CIZ1: variants seen among roughly 807,000 people sequenced by gnomAD.
The protein encoded by CIZ1 is CDKN1A interacting zinc finger protein 1.
A neutral mutation model predicts 118.6 loss-of-function variants in CIZ1; 58 were observed. The observed-to-expected ratio is 0.49, with a 90% CI of 0.40 to 0.61. CIZ1 has a LOEUF of 0.61. Among genes scored for constraint, CIZ1 ranks in the 20% least tolerant of loss-of-function variants. The pLI is 0.00. For synonymous variants in CIZ1, 448 were observed against 443.4 expected (o/e 1.01, Z -0.13); for missense variants, 921 against 1,115.9 (o/e 0.83, Z 2.49).
At chr9:128,184,489 ATTTTTTT>A (rs35204850) in intron 5 of CIZ1, among the ~76,000 whole-genome samples, 1 of 112,126 alleles carries the variant, frequency 8.9e-6, no homozygotes, top group Non-Finnish European at 1.7e-5. Flanking sequence ...GGCAGTGCTG[ATTTTTTT>A]TTTTTTTTTT....
rs1227825683 is a variant in CIZ1, at chr9:128,168,829, C to G, written c.2295+223G>C. 8.4e-6 allele frequency: 5 copies of G among 596,986 alleles called. No homozygotes were observed. In the East Asian group the frequency reaches 1.6e-4, roughly 19 times the overall value. 37.0% of individuals were successfully genotyped at this position (596,986 alleles called of 1,614,324 possible). The stretch of plus-strand genomic sequence containing the variant: ...GCTGTTCCCTTTCCCTTCCTCCACA[C>G]AGGTCCAAATTTCAGTCAGGCTTTG... On this transcript the variant is annotated intron_variant, in intron 14 of 16. Coordinates refer to ENST00000372938, the MANE Select transcript of CIZ1 (RefSeq NM_001131016.2).
chr9:128,182,973 C>T (rs1831875850), intron 5 of CIZ1, among the ~76,000 whole-genome samples: 1 of 152,102 alleles, frequency 6.6e-6, no homozygotes, highest in Non-Finnish European at 1.5e-5. Flanking sequence ...TAATATCTCT[C>T]ACCACCCTCC....
At chr9:128,171,373 G>A (rs572890503) in intron 11 of CIZ1, among the ~76,000 whole-genome samples, 16 of 151,942 alleles carry the variant, frequency 1.1e-4, no homozygotes, top group African/African-American at 3.9e-4. Context: ...AGGTTGCAGT[G>A]AGCCGAGATC....
rs534979629 is a variant in CIZ1 at position 128,176,539 on chromosome 9, G to T, written c.1819-64C>A. On this transcript the variant is annotated intron_variant, in intron 10 of 16. Transcript: ENST00000372938. ...AGCCCAGAACAGTGGGCAAGGCTGG[G>T]GCCTGGGGAGGCAGACCCCAGCCTC... is the stretch of plus-strand genomic sequence containing the variant. 560 of 1,533,052 alleles carry T rather than the reference G, an allele frequency of 3.7e-4. 5 individuals are homozygous for T. In the South Asian group the frequency reaches 4.5e-3, roughly 12 times the overall value. 95.0% of individuals were successfully genotyped at this position (1,533,052 alleles called of 1,614,324 possible).
At position 128,166,234 on chromosome 9, in the gene CIZ1, G is replaced by T; in HGVS notation, c.2660C>A (p.Pro887His). 6.6e-7 allele frequency: 1 copy of T among 1,522,108 alleles called. No individual in the cohort carries two copies. Among genetic ancestry groups the T allele is most frequent in the Non-Finnish European group, 8.9e-7 (1 of 1,127,478 alleles). 94.3% of individuals were successfully genotyped at this position (1,522,108 alleles called of 1,614,324 possible). The change falls in exon 17 of 17, where the codon CCC becomes CAC. Residue 887 changes from proline (P) to histidine (H), a missense_variant. Coordinates refer to ENST00000372938, the MANE Select transcript of CIZ1 (RefSeq NM_001131016.2). This position sits in a 1 kb window ranked among gnomAD's most constrained non-coding sequence, Gnocchi z 4.4. ...PSKVTARPSQ[P>H]PLPRRSTRLK... ...GCGGGTTGAGCGCCGAGGTAGTGGG[G>T]GCTGGGAGGGTCGAGCCGTCACCTT...
chr9:128,197,904 C>T (rs1161788802), intron 1 of CIZ1: 1 of 152,228 alleles, frequency 6.6e-6, no homozygotes, highest in African/African-American at 2.4e-5. Context: ...CCCCCTTTTA[C>T]AGATGAAGAA....
intron 1 of CIZ1, among the ~76,000 whole-genome samples, chr9:128,200,657 C>A (rs368001339): frequency 6.7e-4 from 89 of 133,660 alleles, no homozygotes; most frequent in Admixed American, 7.4e-4. Flanking sequence ...GACTCTGTCT[C>A]AAAAAAAAAA....
intron 11 of CIZ1, 33 bp downstream of exon 11, chr9:128,176,318 C>G (rs376908265): frequency 6.2e-7 from 1 of 1,610,222 alleles, no homozygotes; most frequent in African/African-American, 1.3e-5. Flanking sequence ...CTGCCTACCC[C>G]CCAACACAGA....
Position 128,177,555 on chromosome 9 carries a change from T to C in CIZ1, c.1818+11A>G. ...CCCACCCCTCCCCACCCTTATCTCC[T>C]GTATCAGTACCTGCTGGCTGGAGCA... is the stretch of plus-strand genomic sequence containing the variant. On this transcript the variant is annotated intron_variant, in intron 10 of 16. Transcript: ENST00000372938. The C allele has an allele frequency of 1.4e-5, 7 of 499,204 alleles. No homozygotes were observed. The highest frequency in any genetic ancestry group is 1.4e-5 in the Non-Finnish European group (4 of 289,780). The allele number at this position is 499,204 out of a possible 1,614,324, so 30.9% of individuals were successfully genotyped here.
At chr9:128,199,915 A>C (rs1432359526) in intron 1 of CIZ1, 2 of 151,058 alleles carry the variant, frequency 1.3e-5, no homozygotes, top group Non-Finnish European at 2.9e-5. Flanking sequence ...CAGCCTCTCG[A>C]GTACCTGGGA....
chr9:128,166,115 C>A lies in CIZ1; in HGVS notation c.*82G>T, dbSNP rs1388174887. The A allele has an allele frequency of 1.4e-5, 14 of 979,158 alleles. 1 individual carries two copies. The highest frequency in any genetic ancestry group is 1.9e-5 in the Non-Finnish European group (13 of 695,914). 60.7% of individuals were successfully genotyped at this position (979,158 alleles called of 1,614,324 possible). On this transcript the variant is annotated 3_prime_UTR_variant, in exon 17 of 17. Transcript: ENST00000372938. This position sits in a 1 kb window ranked among gnomAD's most constrained non-coding sequence, Gnocchi z 4.4. ...TTGGATTTTGAGTAAAAACATGAAC[C>A]ATGTCAAAGTTTCCAGGCAGACTCC...
upstream of CIZ1, among the ~76,000 whole-genome samples, chr9:128,196,539 C>T (rs1833380954): frequency 6.7e-6 from 1 of 149,476 alleles, no homozygotes; most frequent in Non-Finnish European, 1.5e-5. Context: ...CAGAGTGAGA[C>T]CCTGTCTCAA....
chr9:128,180,069 G>A (rs374954742), intron 7 of CIZ1, among the ~76,000 whole-genome samples: 5 of 152,244 alleles, frequency 3.3e-5, no homozygotes, highest in South Asian at 2.1e-4. Flanking sequence ...TAAATAAACC[G>A]GGGAGGATCG....
intron 14 of CIZ1, chr9:128,167,809 G>A (rs1333243740): frequency 6.5e-6 from 1 of 153,892 alleles, no homozygotes; most frequent in African/African-American, 2.4e-5. Flanking sequence ...AAACAAATGT[G>A]GCTTCCAAGA....
At chr9:128,168,994 T>C (rs1829788896) in intron 14 of CIZ1, 58 bp downstream of exon 14, 1 of 1,608,780 alleles carries the variant, frequency 6.2e-7, no homozygotes, top group African/African-American at 1.3e-5. Flanking sequence ...TGGGATGAGG[T>C]CTGTCCTGGG....
chr9:128,174,135 G>A (rs1334184742), intron 11 of CIZ1, among the ~76,000 whole-genome samples: 1 of 152,162 alleles, frequency 6.6e-6, no homozygotes, highest in Non-Finnish European at 1.5e-5. Context: ...CTAGGGTATT[G>A]GGATCCAGCC....
At chr9:128,199,366 C>CA (rs879818353) in intron 1 of CIZ1, among the ~76,000 whole-genome samples, 5,151 of 143,540 alleles carry the variant, frequency 0.036, 317 homozygotes, top group African/African-American at 0.12. Context: ...GACTCTGTCT[C>CA]AAAAAAAAAA....
At chr9:128,182,589 C>G (rs1831809855) in intron 5 of CIZ1, among the ~76,000 whole-genome samples, 2 of 152,172 alleles carry the variant, frequency 1.3e-5, no homozygotes, top group Admixed American at 1.3e-4. Context: ...AAACGGGCCT[C>G]TGCACACTAC....
chr9:128,169,893 T>C (rs1048670838), intron 12 of CIZ1, 127 bp downstream of exon 12: 11 of 1,023,430 alleles, frequency 1.1e-5, no homozygotes, highest in Admixed American at 2.2e-5. Flanking sequence ...CTCCAGAAAC[T>C]GCATTGTGGG....
Sources: allele counts gnomAD v4.1 joint callset (sites outside exome capture counted in the v4.1 genomes callset), GRCh38; gene constraint gnomAD v4.1.1; non-coding constraint Gnocchi (gnomAD v3.1); transcripts MANE v1.5; gene names NCBI Gene and HGNC (gene_info 2026-07-23, HGNC 2026-07-21).